The following GNAL variants were observed in gnomAD, a reference collection of about 807,000 sequenced individuals.
The protein encoded by GNAL is G protein subunit alpha L.
GNAL carries 18 observed loss-of-function variants against 55.1 expected under a neutral mutation model. That is an observed-to-expected ratio of 0.33 (90% CI 0.23 to 0.48). The LOEUF is 0.48. GNAL is among the 20% of genes least tolerant of loss of function. The probability of loss-of-function intolerance (pLI) is 0.99; values close to 1 mark genes in which losing one functional copy is unlikely to be tolerated. For missense variants in GNAL, 412 were observed against 614.1 expected (o/e 0.67, Z 3.48); for synonymous variants, 253 against 237.0 (o/e 1.07, Z -0.62).
intron 4 of GNAL, among the ~76,000 whole-genome samples, chr18:11,775,581 G>A (rs566889872): frequency 6.6e-6 from 1 of 152,348 alleles, no homozygotes; most frequent in South Asian, 2.1e-4. Context: ...ATTCCTCTAA[G>A]TCTGTGTCAG....
intron 5 of GNAL, among the ~76,000 whole-genome samples, chr18:11,826,967 A>G (rs985035454): frequency 2.0e-5 from 3 of 152,176 alleles, no homozygotes; most frequent in African/African-American, 7.2e-5. Flanking sequence ...GAGAAAGTTC[A>G]GCTTCAGACA....
intron 5 of GNAL, chr18:11,857,422 G>A (rs1271493904): frequency 8.9e-6 from 8 of 903,504 alleles, no homozygotes; most frequent in African/African-American, 1.8e-5. Context: ...GACTGGAGTG[G>A]AGGGTTCACG....
At chr18:11,840,232 A>G (rs956842772) in intron 5 of GNAL, among the ~76,000 whole-genome samples, 1 of 152,246 alleles carries the variant, frequency 6.6e-6, no homozygotes, top group Admixed American at 6.5e-5. Flanking sequence ...ATATTTGTGA[A>G]AATGCAGTGC....
intron 5 of GNAL, chr18:11,857,200 A>G (rs1281896303): frequency 6.6e-6 from 1 of 152,366 alleles, no homozygotes; most frequent in South Asian, 2.1e-4. Context: ...TTATACCTCA[A>G]CCTTTAAAAA....
intron 4 of GNAL, among the ~76,000 whole-genome samples, chr18:11,775,002 C>T (rs753250019): frequency 1.3e-4 from 20 of 152,226 alleles, no homozygotes; most frequent in Non-Finnish European, 2.4e-4. Context: ...ACCTGATGGA[C>T]AGCACCTCTT....
At chr18:11,743,325 A>AAG (rs1555645285) in intron 1 of GNAL, among the ~76,000 whole-genome samples, 2 of 152,056 alleles carry the variant, frequency 1.3e-5, no homozygotes, top group African/African-American at 4.8e-5. Flanking sequence ...AAAAAAAAAA[A>AAG]AAAAACCACC....
intron 1 of GNAL, among the ~76,000 whole-genome samples, chr18:11,700,408 G>A (rs367980401): frequency 2.2e-4 from 34 of 152,366 alleles, no homozygotes; most frequent in East Asian, 9.6e-4. Context: ...CCTGCAGGCC[G>A]TTTGGCTTGG....
chr18:11,851,284 T>C (rs1256341319), intron 5 of GNAL: 11 of 504,334 alleles, frequency 2.2e-5, no homozygotes, highest in Non-Finnish European at 3.4e-5. Context: ...TCCCCCTGCA[T>C]GCGCAGCCCC....
In GNAL at chr18:11,693,914, G is replaced by A. The variant is rs1291620408; in HGVS notation, c.376+3975G>A. Among the ~76,000 whole-genome samples the A allele has an allele frequency of 4.1e-5, 6 of 147,852 alleles. 1 individual carries two copies. The South Asian group carries it at 1.3e-3, about 32-fold the overall frequency. On this transcript the variant is annotated intron_variant, in intron 1 of 11. Transcript: ENST00000334049. ...GTCACTCAGTCAGGAGTGCAGTGGT[G>A]TGATCATGGCTCACTGCAGCCTGGA...
chr18:11,806,397 T>C (rs1386190311), intron 4 of GNAL, among the ~76,000 whole-genome samples: 2 of 152,220 alleles, frequency 1.3e-5, no homozygotes, highest in East Asian at 3.9e-4. Context: ...TGTTGAGGTC[T>C]TAGTCATGAA....
chr18:11,861,620 A>G (rs1482797719), intron 5 of GNAL, among the ~76,000 whole-genome samples: 1 of 152,136 alleles, frequency 6.6e-6, no homozygotes, highest in Non-Finnish European at 1.5e-5. Context: ...TGGCACAGAG[A>G]GGGCGGGGGA....
chr18:11,812,229 G>C (rs1364632), intron 4 of GNAL, among the ~76,000 whole-genome samples: 1 of 152,044 alleles, frequency 6.6e-6, no homozygotes, highest in Admixed American at 6.5e-5. Context: ...TTCCACAGTT[G>C]TTTTGTGAGA....
intron 1 of GNAL, among the ~76,000 whole-genome samples, chr18:11,713,942 G>C (rs1262805510): frequency 6.6e-6 from 1 of 152,176 alleles, no homozygotes; most frequent in East Asian, 1.9e-4. Context: ...AGGTCTAAAG[G>C]GCGAGGCCTA....
At chr18:11,823,479 T>A (rs1245031442) in intron 4 of GNAL, among the ~76,000 whole-genome samples, 1 of 152,246 alleles carries the variant, frequency 6.6e-6, no homozygotes, top group Non-Finnish European at 1.5e-5. Context: ...TAATAAAGCC[T>A]ACACTCTGGG....
At chr18:11,790,651 C>CTTTTTTTTTTTTTTTTTT (rs1232488173) in intron 4 of GNAL, among the ~76,000 whole-genome samples, 3 of 83,348 alleles carry the variant, frequency 3.6e-5, no homozygotes, top group Admixed American at 1.7e-4. Flanking sequence ...CTTTTCTTTT[C>CTTTTTTTTTTTTTTTTTT]TTTTTTTTTC....
At chr18:11,761,723 T>G (rs2033250175) in intron 4 of GNAL, among the ~76,000 whole-genome samples, 1 of 152,206 alleles carries the variant, frequency 6.6e-6, no homozygotes, top group African/African-American at 2.4e-5. Flanking sequence ...CATTCTTTTG[T>G]GCTCACCGCA....
At chr18:11,805,092 A>C (rs997737777) in intron 4 of GNAL, among the ~76,000 whole-genome samples, 4 of 144,634 alleles carry the variant, frequency 2.8e-5, no homozygotes, top group African/African-American at 1.0e-4. Context: ...TGTGTAGTGA[A>C]GTACAGGTGC....
chr18:11,852,022 G>A (rs1312654764), intron 5 of GNAL: 23 of 1,613,854 alleles, frequency 1.4e-5, no homozygotes, highest in Non-Finnish European at 1.9e-5. Flanking sequence ...GCTGCCGCAG[G>A]GCCAGACCGG....
chr18:11,781,458 C>T (rs962513042), intron 4 of GNAL, among the ~76,000 whole-genome samples: 5 of 152,130 alleles, frequency 3.3e-5, no homozygotes, highest in Admixed American at 3.3e-4. Context: ...CCTCAAAAAT[C>T]TATTATTAAA....
Sources: allele counts gnomAD v4.1 joint callset (sites outside exome capture counted in the v4.1 genomes callset), GRCh38; gene constraint gnomAD v4.1.1; transcripts MANE v1.5; gene names NCBI Gene and HGNC (gene_info 2026-07-23, HGNC 2026-07-21).